The following PLEKHN1 variants were observed in gnomAD, a reference collection of about 807,000 sequenced individuals.
PLEKHN1 encodes pleckstrin homology domain-containing family N member 1.
Under a neutral mutation model 72.8 loss-of-function variants are expected in PLEKHN1, and 68 were observed. The observed-to-expected ratio is 0.93, with a 90% CI of 0.77 to 1.14. The LOEUF (loss-of-function observed/expected upper bound fraction) is 1.14, where lower values mean the gene tolerates loss of function less well. Among genes scored for constraint, PLEKHN1 ranks in the 50% most tolerant of loss-of-function variants. The probability of loss-of-function intolerance (pLI) is 0.00; values close to 1 mark genes in which losing one functional copy is unlikely to be tolerated. For synonymous variants in PLEKHN1, 454 were observed against 371.6 expected, an observed-to-expected ratio of 1.22 and a Z score of -2.55; for missense variants, 1,015 against 840.5, an observed-to-expected ratio of 1.21 and a Z score of -2.57.
In PLEKHN1 at chr1:972,429, G is replaced by A. The variant is rs752661911; in HGVS notation, c.1002+5G>A. On this transcript the variant is annotated splice_donor_5th_base_variant and intron_variant, in intron 10 of 15. Coordinates refer to ENST00000379410, the MANE Select transcript of PLEKHN1 (RefSeq NM_032129.3). ...GAGAGCTTCCCAGGGTCGCAGGTGA[G>A]GGGTCAATAGGCCCCACAGCCCAGG... 21 of 1,559,676 alleles carry A rather than the reference G, an allele frequency of 1.3e-5. 1 individual carries two copies. The Middle Eastern group carries it at 3.5e-3, about 258-fold the overall frequency.
Position 970,900 on chromosome 1 carries a change from T to G in PLEKHN1, c.506T>G (p.Leu169Arg). The G allele has an allele frequency of 6.2e-7, 1 of 1,610,978 alleles. No individual in the cohort carries two copies. Among genetic ancestry groups the G allele is most frequent in the Non-Finnish European group, 8.5e-7 (1 of 1,179,818 alleles). The change falls in exon 6 of 16, where the codon CTG (leucine) becomes CGG (arginine). Residue 169 changes from leucine to arginine, a missense_variant. Coordinates refer to ENST00000379410, the MANE Select transcript of PLEKHN1 (RefSeq NM_032129.3). This position sits in a 1 kb window ranked among gnomAD's most constrained non-coding sequence, Gnocchi z 4.2. ...QITGPLPAPL[L>R]VLCPSRAELD... is the part of the protein sequence containing the mutation. The stretch of plus-strand genomic sequence containing the variant: ...GCAGGCCCACTGCCCGCACCCCTCC[T>G]GGTGCTCTGCCCCAGCCGGGCCGAG...
At chr1:973,152 A>C in intron 11 of PLEKHN1, 34 bp from the exon 12 acceptor site, 1 of 1,498,520 alleles carries the variant, frequency 6.7e-7, no homozygotes. Context: ...GAGGGGCCAA[A>C]GGGCTCTTCC....
At position 972,908 on chromosome 1, in the gene PLEKHN1, C is replaced by T; in HGVS notation, c.1050C>T (p.Ser350=). ...RGSLSSGGQT[S]WDSGCLAPPS... is the part of the protein sequence containing the mutation. ...CACTCTCCTCAGGCGGACAGACCAG[C>T]TGGGACTCGGGGTGCTTGGCGCCCC... The change falls in exon 11 of 16, where the codon AGC becomes AGT. Residue 350 remains serine (S), a synonymous_variant. Coordinates refer to ENST00000379410, the MANE Select transcript of PLEKHN1 (RefSeq NM_032129.3). 1 of 1,560,354 alleles carries T rather than the reference C, an allele frequency of 6.4e-7. No homozygotes were observed. The highest frequency in any genetic ancestry group is 8.7e-7 in the Non-Finnish European group (1 of 1,152,030).
rs567055542 is a variant in PLEKHN1 at position 971,177 on chromosome 1, C to G, written c.677C>G (p.Ser226Trp). The G allele has an allele frequency of 1.9e-6, 3 of 1,595,408 alleles. No individual in the cohort carries two copies. The highest frequency in any genetic ancestry group is 1.3e-5 in the African/African-American group (1 of 74,602). Residue 226 changes from serine to tryptophan, a missense_variant, in exon 7 of 16, where the codon TCG becomes TGG. Physicochemically the swap from Ser to Trp is radical, Grantham distance 177. Coordinates refer to ENST00000379410, the MANE Select transcript of PLEKHN1 (RefSeq NM_032129.3). ...HEPGGSAVCA[S>W]RVKLQHLPAQ... is the part of the protein sequence containing the mutation. ...CCCGGCGGCAGTGCTGTCTGTGCCT[C>G]GAGGGTCAAGCTGCAGCACCTGCCC...
intron 2 of PLEKHN1, among the ~76,000 whole-genome samples, chr1:968,782 G>A (rs548428024): frequency 4.6e-5 from 7 of 152,316 alleles, no homozygotes; most frequent in African/African-American, 1.7e-4. Context: ...GGGTAAGGAG[G>A]GGGGTCAGGA....
chr1:972,737 G>A (rs1643404689), intron 10 of PLEKHN1, 124 bp from the exon 11 acceptor site: 2 of 1,280,408 alleles, frequency 1.6e-6, no homozygotes, highest in African/African-American at 1.5e-5. Context: ...CTGTACTGCA[G>A]CCTGGGCGAC....
In PLEKHN1 at chr1:974,006, C is replaced by T. The variant is rs1464121811; in HGVS notation, c.1608C>T (p.Gly536=). ...LQSRAAQRHR[G]SAKDGGPQPP... ...CCAGAGCCGCTCAGAGACACCGGGG[C>T]TCAGCCAAGGATGGGGGGCCGCAGC... The change falls in exon 14 of 16, where the codon GGC becomes GGT. Residue 536 remains glycine (G), a synonymous_variant. Coordinates refer to ENST00000379410, the MANE Select transcript of PLEKHN1 (RefSeq NM_032129.3). 4.4e-6 allele frequency: 7 copies of T among 1,604,234 alleles called. No individual in the cohort carries two copies. The highest frequency in any genetic ancestry group is 5.9e-6 in the Non-Finnish European group (7 of 1,177,680).
At position 973,827 on chromosome 1, in the gene PLEKHN1, C is replaced by T. The variant is rs775653870; in HGVS notation, c.1435-6C>T. On this transcript the variant is annotated splice_polypyrimidine_tract_variant and splice_region_variant and intron_variant, in intron 13 of 15. Coordinates refer to ENST00000379410, the MANE Select transcript of PLEKHN1 (RefSeq NM_032129.3). ...ACCCAGGCCCCAGCCCTGGCTCTCCCTGCAGTTCCTCAGTGCCATGCAGAG... is the reference window on the plus strand; with the variant it reads ...ACCCAGGCCCCAGCCCTGGCTCTCCTTGCAGTTCCTCAGTGCCATGCAGAG... 2 of 1,607,914 alleles carry T rather than the reference C, an allele frequency of 1.2e-6. No individual in the cohort carries two copies. The highest frequency in any genetic ancestry group is 2.2e-5 in the East Asian group (1 of 44,820).
rs368815686 is a variant in PLEKHN1, at chr1:972,331, G to A, written c.909G>A (p.Glu303=). ...NTIRVVCASY[E]DYGHWLLCLR... is the part of the protein sequence containing the mutation. ...TCCGCGTGGTGTGCGCCAGCTACGAGGACTACGGTCACTGGCTGCTGTGCC... is the reference window on the plus strand; with the variant it reads ...TCCGCGTGGTGTGCGCCAGCTACGAAGACTACGGTCACTGGCTGCTGTGCC... Residue 303 remains glutamate (E), a synonymous_variant, in exon 10 of 16, where the codon GAG becomes GAA. Transcript: ENST00000379410. 14 of 1,612,454 alleles carry A rather than the reference G, an allele frequency of 8.7e-6. No individual in the cohort carries two copies. Among genetic ancestry groups the A allele is most frequent in the African/African-American group, 2.7e-5 (2 of 74,934 alleles).
chr1:967,133 A>G (rs1479997255), intron 2 of PLEKHN1, among the ~76,000 whole-genome samples: 1 of 152,092 alleles, frequency 6.6e-6, no homozygotes, highest in Non-Finnish European at 1.5e-5. Flanking sequence ...GCCGGCAGGT[A>G]GTGTCACTTG....
chr1:973,009 C>T lies in PLEKHN1; in HGVS notation c.1151C>T (p.Pro384Leu), dbSNP rs75748725. Residue 384 changes from proline (P) to leucine (L), a missense_variant and splice_region_variant, in exon 11 of 16, where the codon CCG becomes CTG. Pro to Leu is a moderately conservative substitution (Grantham distance 98). Coordinates refer to ENST00000379410, the MANE Select transcript of PLEKHN1 (RefSeq NM_032129.3). Reference protein sequence around the residue: ...STVGCSSQHTPDQANSDRASI... With the variant: ...STVGCSSQHTLDQANSDRASI... ...GTGGGCTGCTCCTCCCAGCACACAC[C>T]GGTGAGCGCTTACGGGGTGGCAGAC... The T allele has an allele frequency of 3.8e-4, 602 of 1,597,478 alleles. 2 individuals are homozygous for T. In the African/African-American group the frequency reaches 5.6e-3, roughly 15 times the overall value.
At chr1:967,384 C>A (rs80125161) in intron 2 of PLEKHN1, among the ~76,000 whole-genome samples, 4 of 151,228 alleles carry the variant, frequency 2.6e-5, no homozygotes, top group Non-Finnish European at 5.9e-5. Context: ...CCACCCCCCC[C>A]CCAGCCCCTG....
Position 974,003 on chromosome 1 carries a change from G to T in PLEKHN1, c.1605G>T (p.Arg535=). The T allele has an allele frequency of 6.2e-7, 1 of 1,604,904 alleles. No homozygotes were observed. Among genetic ancestry groups the T allele is most frequent in the Middle Eastern group, 1.9e-4 (1 of 5,244 alleles). Residue 535 remains arginine, a synonymous_variant, in exon 14 of 16, where the codon CGG becomes CGT. Transcript: ENST00000379410. ...AGTCCAGAGCCGCTCAGAGACACCGGGGCTCAGCCAAGGATGGGGGGCCGC... is the reference window on the plus strand; with the variant it reads ...AGTCCAGAGCCGCTCAGAGACACCGTGGCTCAGCCAAGGATGGGGGGCCGC... ...ALQSRAAQRH[R]GSAKDGGPQP...
chr1:973,069 G>T, intron 11 of PLEKHN1, 59 bp downstream of exon 11: 1 of 1,547,200 alleles, frequency 6.5e-7, no homozygotes, highest in Admixed American at 1.9e-5. Context: ...GTAGGTGTGT[G>T]TTGGGGACCC....
At position 974,070 on chromosome 1, in the gene PLEKHN1, G is replaced by A. The variant is rs749103400; in HGVS notation, c.1653+19G>A. 1.9e-5 allele frequency: 29 copies of A among 1,557,804 alleles called. No individual in the cohort carries two copies. Among genetic ancestry groups the A allele is most frequent in the Middle Eastern group, 2.2e-4 (1 of 4,570 alleles). On this transcript the variant is annotated intron_variant, in intron 14 of 15. Coordinates refer to ENST00000379410, the MANE Select transcript of PLEKHN1 (RefSeq NM_032129.3). ...TCAGCTTGTGAGTAGCAGCCCCCAC[G>A]CCCGTGTGCCCCGGGCTCCGGGCTG... is the stretch of plus-strand genomic sequence containing the variant.
At chr1:972,627 G>T (rs1643399876) in intron 10 of PLEKHN1, among the ~76,000 whole-genome samples, 1 of 152,140 alleles carries the variant, frequency 6.6e-6, no homozygotes, top group African/African-American at 2.4e-5. Flanking sequence ...AATTAGCCGG[G>T]CATGGCGGTA....
chr1:969,969 G>C (rs965606882), intron 2 of PLEKHN1, among the ~76,000 whole-genome samples: 1 of 152,128 alleles, frequency 6.6e-6, no homozygotes, highest in Non-Finnish European at 1.5e-5. Flanking sequence ...CAGGTTCTGT[G>C]CCTGTGGGGG....
rs768555107 is a variant in PLEKHN1, at chr1:974,526, C to T, written c.1787C>T (p.Pro596Leu). ...TTGTCTTCCTCCCACCAGAAGTGCC[C>T]CCAGCTTGGAGGGCCTGAGGCCAGT... The part of the protein sequence containing the change: ...ETLSSSHQKC[P>L]QLGGPEASGG... The change falls in exon 16 of 16, where the codon CCC becomes CTC. Residue 596 changes from proline to leucine, a missense_variant. Physicochemically the swap from Pro to Leu is moderately conservative, Grantham distance 98. Coordinates refer to ENST00000379410, the MANE Select transcript of PLEKHN1 (RefSeq NM_032129.3). 1.1e-5 allele frequency: 18 copies of T among 1,612,392 alleles called. No individual in the cohort carries two copies. Among genetic ancestry groups the T allele is most frequent in the Non-Finnish European group, 1.5e-5 (18 of 1,179,880 alleles).
intron 2 of PLEKHN1, among the ~76,000 whole-genome samples, chr1:967,645 C>T (rs1329204146): frequency 6.6e-6 from 1 of 152,214 alleles, no homozygotes; most frequent in African/African-American, 2.4e-5. Flanking sequence ...CCAACATGCC[C>T]CCGCCAGGCA....
Sources: gnomAD v4.1 joint callset for allele counts (sites outside exome capture counted in the v4.1 genomes callset) on GRCh38, gnomAD v4.1.1 for gene constraint, Gnocchi (gnomAD v3.1) non-coding constraint, MANE v1.5 for transcripts, NCBI Gene and HGNC (gene_info 2026-07-23, HGNC 2026-07-21) for gene names.